The following MPP7 variants were observed in gnomAD, a reference collection of about 807,000 sequenced individuals.
MPP7 encodes the protein MAGUK p55 scaffold protein 7.
In MPP7, 60 loss-of-function variants were observed where a neutral mutation model predicts 76.5. The observed-to-expected ratio is 0.78, with a 90% CI of 0.64 to 0.97. The LOEUF (loss-of-function observed/expected upper bound fraction) is 0.97. MPP7 is among the 50% of genes least tolerant of loss of function. The pLI is 0.00. For missense variants in MPP7, 641 were observed against 694.0 expected (o/e 0.92, Z 0.86); for synonymous variants, 237 against 244.5 (o/e 0.97, Z 0.29).
intron 2 of MPP7, among the ~76,000 whole-genome samples, chr10:28,321,357 C>T (rs1316604541): frequency 6.6e-6 from 1 of 152,182 alleles, no homozygotes; most frequent in Non-Finnish European, 1.5e-5. Flanking sequence ...CAATACACAT[C>T]TTCCTGGATT....
chr10:28,239,859 T>C (rs565199441), intron 1 of MPP7, among the ~76,000 whole-genome samples: 12 of 152,282 alleles, frequency 7.9e-5, no homozygotes, highest in South Asian at 6.2e-4. Context: ...ATAGAGACAA[T>C]AGTAAATTAG....
chr10:28,332,246 C>CAT (rs1554871695), intron 1 of MPP7, among the ~76,000 whole-genome samples: 14 of 146,794 alleles, frequency 9.5e-5, no homozygotes, highest in Non-Finnish European at 1.5e-4. Context: ...CAAATGTATG[C>CAT]GTGTGTGTGT....
chr10:28,303,405 G>A (rs1232955364), upstream of MPP7: 1 of 152,212 alleles, frequency 6.6e-6, no homozygotes, highest in African/African-American at 2.4e-5. Flanking sequence ...CGGATACGCA[G>A]GTTCATTCGC....
At position 28,069,771 on chromosome 10, in the gene MPP7, C is replaced by T. The variant is rs761416898; in HGVS notation, c.1204+1G>A. 10 of 1,612,558 alleles carry T rather than the reference C, an allele frequency of 6.2e-6. No homozygotes were observed. Among genetic ancestry groups the T allele is most frequent in the Middle Eastern group, 1.6e-4 (1 of 6,078 alleles). On this transcript the variant is annotated splice_donor_variant, in intron 13 of 16. Transcript: ENST00000683449. LOFTEE classifies it high-confidence loss of function. ...GGAACACTGAGTAGCGCAGAACTCA[C>T]GGGGCACTGTCACGCCATAGTGCTG...
intron 2 of MPP7, among the ~76,000 whole-genome samples, chr10:28,214,709 T>G (rs530587334): frequency 6.6e-6 from 1 of 152,202 alleles, no homozygotes; most frequent in Non-Finnish European, 1.5e-5. Context: ...TTCTTGGGCA[T>G]AGGCTGAACT....
At chr10:28,152,376 T>C (rs1391832209) in intron 3 of MPP7, among the ~76,000 whole-genome samples, 2 of 152,354 alleles carry the variant, frequency 1.3e-5, no homozygotes, top group East Asian at 3.9e-4. Flanking sequence ...AAAAATTTAC[T>C]CTAAATAATT....
chr10:28,291,797 TAAA>T (rs1176512024), intron 1 of MPP7, among the ~76,000 whole-genome samples: 2 of 152,336 alleles, frequency 1.3e-5, no homozygotes, highest in East Asian at 3.9e-4. Flanking sequence ...AGTCAAAAGT[TAAA>T]AACCATTTAT....
chr10:28,215,215 G>A (rs554727340), intron 2 of MPP7, among the ~76,000 whole-genome samples: 12 of 152,060 alleles, frequency 7.9e-5, no homozygotes, highest in South Asian at 6.2e-4. Context: ...ATAAAACTCC[G>A]GTCTCCTGAA....
intron 11 of MPP7, among the ~76,000 whole-genome samples, chr10:28,104,698 A>G (rs751741702): frequency 2.0e-5 from 3 of 152,198 alleles, no homozygotes; most frequent in Admixed American, 6.5e-5. Context: ...TTTTATCAGC[A>G]ACACTATTCA....
chr10:28,328,881 T>C (rs1676780), intron 2 of MPP7, among the ~76,000 whole-genome samples: 23,780 of 152,224 alleles, frequency 0.16, 2,091 homozygotes, highest in Non-Finnish European at 0.2. Context: ...ACGATGTCTC[T>C]TTCTTTTTAT....
intron 3 of MPP7, among the ~76,000 whole-genome samples, chr10:28,191,862 G>A (rs767752730): frequency 1.3e-5 from 2 of 152,072 alleles, no homozygotes; most frequent in African/African-American, 4.8e-5. Flanking sequence ...AGTGGTTCAC[G>A]CCTATAATCC....
intron 5 of MPP7, among the ~76,000 whole-genome samples, chr10:28,139,883 G>A (rs1355562264): frequency 6.6e-6 from 1 of 151,862 alleles, no homozygotes; most frequent in African/African-American, 2.4e-5. Context: ...TGCAAAAGTT[G>A]GCCAAACTAG....
chr10:28,221,338 A>C (rs17685404), intron 2 of MPP7, among the ~76,000 whole-genome samples: 1 of 152,140 alleles, frequency 6.6e-6, no homozygotes, highest in African/African-American at 2.4e-5. Context: ...AACAGAATTC[A>C]TAACTATTGG....
In MPP7 at chr10:28,054,200, T is replaced by G. The variant is rs779505972; in HGVS notation, c.1596A>C (p.Glu532Asp). The G allele has an allele frequency of 5.0e-6, 8 of 1,598,228 alleles. No individual in the cohort carries two copies. The African/African-American group carries it at 9.4e-5, about 19-fold the overall frequency. Residue 532 changes from glutamate (E) to aspartate (D), a missense_variant, in exon 17 of 17, where the codon GAA becomes GAC. By Grantham distance (45) the Glu-to-Asp change is conservative. Transcript: ENST00000683449. ...QEMIKSAQIM[E>D]SQYGHLFDKI... is the part of the protein sequence containing the mutation. The stretch of plus-strand genomic sequence containing the variant: ...TGTCAAAAAGATGACCATATTGACT[T>G]TCCATTATCTGTGCAGATTTAATCA...
intron 2 of MPP7, among the ~76,000 whole-genome samples, chr10:28,312,000 C>T (rs1841292449): frequency 6.6e-6 from 1 of 152,032 alleles, no homozygotes; most frequent in Non-Finnish European, 1.5e-5. Flanking sequence ...TGGTTCCTTC[C>T]AGCAGGTTTA....
intron 3 of MPP7, among the ~76,000 whole-genome samples, chr10:28,157,415 T>C (rs945833699): frequency 6.6e-6 from 1 of 152,222 alleles, no homozygotes; most frequent in Admixed American, 6.5e-5. Flanking sequence ...AGGATCTGGT[T>C]AGGGAATGTG....
intron 11 of MPP7, among the ~76,000 whole-genome samples, chr10:28,111,628 G>A (rs932603641): frequency 1.3e-5 from 2 of 152,120 alleles, no homozygotes; most frequent in South Asian, 4.1e-4. Context: ...TAAATATCCT[G>A]TAAATTTAAC....
chr10:28,215,299 G>T (rs866853558), intron 2 of MPP7, among the ~76,000 whole-genome samples: 29 of 145,306 alleles, frequency 2.0e-4, no homozygotes, highest in Admixed American at 1.7e-3. Context: ...TGTCTAGGCA[G>T]TGGGCAAGGG....
intron 12 of MPP7, among the ~76,000 whole-genome samples, chr10:28,074,082 G>T (rs1852369626): frequency 6.6e-6 from 1 of 152,152 alleles, no homozygotes; most frequent in Non-Finnish European, 1.5e-5. Flanking sequence ...GAGGGCAGGA[G>T]TATTATATTG....
Sources: allele counts gnomAD v4.1 joint callset (sites outside exome capture counted in the v4.1 genomes callset), GRCh38; gene constraint gnomAD v4.1.1; transcripts MANE v1.5; gene names NCBI Gene and HGNC (gene_info 2026-07-23, HGNC 2026-07-21).